Variants in ZFPM2 observed in about 807,000 individuals in gnomAD.
ZFPM2 encodes zinc finger protein ZFPM2.
ZFPM2 carries 20 observed loss-of-function variants against 98.6 expected under a neutral mutation model. That is an observed-to-expected ratio of 0.20 (90% CI 0.14 to 0.29). ZFPM2 has a LOEUF of 0.29. Ranked by LOEUF, ZFPM2 falls within the 10% of genes least tolerant of loss-of-function variation. The pLI, the probability that ZFPM2 is intolerant of heterozygous loss-of-function variation, is 1.00. For synonymous variants in ZFPM2, 518 were observed against 502.7 expected (o/e 1.03, Z -0.41); for missense variants, 1,310 against 1,388.6 (o/e 0.94, Z 0.90).
In ZFPM2 at chr8:105,803,259, G is replaced by A; in HGVS notation, c.3177G>A (p.Gln1059=). 8 of 1,601,304 alleles carry A rather than the reference G, an allele frequency of 5.0e-6. No homozygotes were observed. The highest frequency in any genetic ancestry group is 6.8e-6 in the Non-Finnish European group (8 of 1,173,002). Residue 1059 remains glutamine, a synonymous_variant, in exon 8 of 8, where the codon CAG becomes CAA. Transcript: ENST00000407775. ...KQDERPAANP[Q]QENISQNPQH... Reference sequence around the variant, plus strand: ...ATGAGAGACCTGCTGCCAACCCACAGCAAGAGAACATTTCCCAGAATCCTC... The same window carrying A: ...ATGAGAGACCTGCTGCCAACCCACAACAAGAGAACATTTCCCAGAATCCTC...
rs111279936 is a variant in ZFPM2, at chr8:105,603,270, G to A, written c.421-30976G>A. On this transcript the variant is annotated intron_variant, in intron 4 of 7. Coordinates refer to ENST00000407775, the MANE Select transcript of ZFPM2 (RefSeq NM_012082.4). Reference sequence around the variant, plus strand: ...TATACAGATTCTTGCTTACAGCATGGTATATAGGGATACTCAAATGTTTCG... The same window carrying A: ...TATACAGATTCTTGCTTACAGCATGATATATAGGGATACTCAAATGTTTCG... Among the ~76,000 whole-genome samples the A allele has an allele frequency of 1.1e-3, 173 of 152,146 alleles. 1 individual carries two copies. The highest frequency in any genetic ancestry group is 4.0e-3 in the African/African-American group (167 of 41,534).
intron 2 of ZFPM2, among the ~76,000 whole-genome samples, chr8:105,440,684 A>G (rs1013637202): frequency 2.6e-5 from 4 of 152,180 alleles, no homozygotes; most frequent in African/African-American, 9.7e-5. Context: ...ACGAGAGAAG[A>G]TGCAGGAGCA....
chr8:105,599,391 TAAA>T (rs71577982), intron 4 of ZFPM2, among the ~76,000 whole-genome samples: 1 of 137,370 alleles, frequency 7.3e-6, no homozygotes. Context: ...TTTTCGTCTT[TAAA>T]AAAAAAAAAA....
At chr8:105,553,118 T>G (rs1198320657) in intron 3 of ZFPM2, among the ~76,000 whole-genome samples, 6 of 152,198 alleles carry the variant, frequency 3.9e-5, no homozygotes, top group Non-Finnish European at 7.4e-5. Context: ...GCCCATGGTG[T>G]TGTTTTTAAA....
At chr8:105,423,481 G>T (rs1282212445) in intron 2 of ZFPM2, among the ~76,000 whole-genome samples, 1 of 152,152 alleles carries the variant, frequency 6.6e-6, no homozygotes, top group Non-Finnish European at 1.5e-5. Context: ...GTCATCTTTT[G>T]TTTATGAGTT....
chr8:105,361,244 A>T (rs1812854622), intron 1 of ZFPM2, among the ~76,000 whole-genome samples: 2 of 139,046 alleles, frequency 1.4e-5, no homozygotes. Context: ...GCATTTTTTC[A>T]TGTGTCTTTT....
chr8:105,484,710 G>A (rs1165402663), intron 3 of ZFPM2, among the ~76,000 whole-genome samples: 3 of 151,956 alleles, frequency 2.0e-5, no homozygotes, highest in African/African-American at 4.8e-5. Flanking sequence ...AGATTATAAG[G>A]GCCTGTCCCT....
intron 1 of ZFPM2, among the ~76,000 whole-genome samples, chr8:105,354,446 T>G (rs1035530107): frequency 3.3e-5 from 5 of 152,220 alleles, no homozygotes; most frequent in African/African-American, 1.2e-4. Context: ...GACTTCACAC[T>G]CTTTTTTTGT....
At chr8:105,664,707 T>G (rs1264703178) in intron 5 of ZFPM2, among the ~76,000 whole-genome samples, 3 of 152,212 alleles carry the variant, frequency 2.0e-5, no homozygotes, top group Non-Finnish European at 2.9e-5. Flanking sequence ...GATGGAATTT[T>G]ATTTTTGGCA....
At chr8:105,654,581 T>G (rs1381661776) in intron 5 of ZFPM2, among the ~76,000 whole-genome samples, 1 of 152,122 alleles carries the variant, frequency 6.6e-6, no homozygotes, top group African/African-American at 2.4e-5. Flanking sequence ...TATCCTTTTT[T>G]TTTTTAAAAA....
intron 4 of ZFPM2, among the ~76,000 whole-genome samples, chr8:105,604,275 C>G (rs544201028): frequency 4.9e-4 from 74 of 152,054 alleles, no homozygotes; most frequent in Non-Finnish European, 8.7e-4. Context: ...CAATGAATTT[C>G]GCTTTCAAAA....
chr8:105,334,045 AAAAT>A (rs1221099510), intron 1 of ZFPM2, among the ~76,000 whole-genome samples: 2 of 151,490 alleles, frequency 1.3e-5, no homozygotes, highest in Non-Finnish European at 3.0e-5. Flanking sequence ...AATAATTAAA[AAAAT>A]AAAATGTATA....
At chr8:105,668,016 A>T (rs1196434514) in intron 5 of ZFPM2, among the ~76,000 whole-genome samples, 1 of 152,182 alleles carries the variant, frequency 6.6e-6, no homozygotes, top group African/African-American at 2.4e-5. Flanking sequence ...TAAGCACGTA[A>T]TGAGGCCCCG....
intron 5 of ZFPM2, among the ~76,000 whole-genome samples, chr8:105,778,733 C>T (rs1462676305): frequency 6.6e-6 from 1 of 152,062 alleles, no homozygotes; most frequent in Non-Finnish European, 1.5e-5. Flanking sequence ...AAGCAAAATG[C>T]TGTAGCAATT....
chr8:105,373,159 G>A (rs1223729339), intron 1 of ZFPM2, among the ~76,000 whole-genome samples: 2 of 152,090 alleles, frequency 1.3e-5, no homozygotes, highest in Non-Finnish European at 2.9e-5. Context: ...CTATTCCATC[G>A]TGATTGGCGT....
chr8:105,599,839 C>G (rs1024055211), intron 4 of ZFPM2, among the ~76,000 whole-genome samples: 14 of 152,020 alleles, frequency 9.2e-5, no homozygotes, highest in Non-Finnish European at 1.8e-4. Context: ...CTTTCACTTG[C>G]ACAGGGCAAA....
intron 5 of ZFPM2, among the ~76,000 whole-genome samples, chr8:105,660,420 A>G (rs1400298368): frequency 6.6e-6 from 1 of 152,280 alleles, no homozygotes; most frequent in Non-Finnish European, 1.5e-5. Context: ...GCTGCAGACC[A>G]TAGTATATAA....
intron 1 of ZFPM2, among the ~76,000 whole-genome samples, chr8:105,408,255 C>G (rs1430642748): frequency 6.6e-6 from 1 of 151,878 alleles, no homozygotes; most frequent in Non-Finnish European, 1.5e-5. Flanking sequence ...TCTTTAGACA[C>G]TCTTTTAATG....
intron 3 of ZFPM2, among the ~76,000 whole-genome samples, chr8:105,524,126 G>A (rs866994409): frequency 4.6e-5 from 7 of 152,122 alleles, no homozygotes; most frequent in Middle Eastern, 3.2e-3. Context: ...ATAGGAAAGT[G>A]CTTATACTGC....
Sources: gnomAD v4.1 joint callset for allele counts (sites outside exome capture counted in the v4.1 genomes callset) on GRCh38, gnomAD v4.1.1 for gene constraint, MANE v1.5 for transcripts, NCBI Gene and HGNC (gene_info 2026-07-23, HGNC 2026-07-21) for gene names.